Variants in CMSS1 observed in about 807,000 individuals in gnomAD.
CMSS1 encodes the protein cms1 ribosomal small subunit homolog.
In CMSS1, 33 loss-of-function variants were observed where a neutral mutation model predicts 43.5. The observed-to-expected ratio is 0.76, with a 90% CI of 0.57 to 1.01. CMSS1 has a LOEUF of 1.01. Ranked by LOEUF, CMSS1 falls within the 50% of genes least tolerant of loss-of-function variation. The pLI is 0.00. For missense variants in CMSS1, 313 were observed against 326.4 expected, an observed-to-expected ratio of 0.96 and a Z score of 0.32; for synonymous variants, 115 against 117.2, an observed-to-expected ratio of 0.98 and a Z score of 0.12.
chr3:99,851,732 T>C (rs1943706945), intron 1 of CMSS1, among the ~76,000 whole-genome samples: 1 of 152,198 alleles, frequency 6.6e-6, no homozygotes, highest in South Asian at 2.1e-4. Flanking sequence ...AAGAAAAAAT[T>C]TAGTCACATT....
At chr3:99,889,492 T>C (rs1440578851) in intron 1 of CMSS1, among the ~76,000 whole-genome samples, 1 of 152,098 alleles carries the variant, frequency 6.6e-6, no homozygotes, top group Non-Finnish European at 1.5e-5. Flanking sequence ...AAATAACGTA[T>C]AGCTAGGAAT....
chr3:100,075,601 T>C (rs2107387222), intron 1 of CMSS1: 1 of 152,036 alleles, frequency 6.6e-6, no homozygotes, highest in East Asian at 1.9e-4. Flanking sequence ...TACCCACTGA[T>C]GGCAGACTCT....
chr3:99,988,527 A>AG (rs61144932), intron 1 of CMSS1, among the ~76,000 whole-genome samples: 54,954 of 129,146 alleles, frequency 0.43, 10,737 homozygotes, highest in East Asian at 0.63. Context: ...AAAAAAAAAA[A>AG]AAAGAAAGAA....
chr3:99,920,709 C>T (rs951891777), intron 1 of CMSS1, among the ~76,000 whole-genome samples: 3 of 152,296 alleles, frequency 2.0e-5, no homozygotes, highest in Admixed American at 2.0e-4. Context: ...ATTACGACAG[C>T]GACATCACTT....
intron 1 of CMSS1, among the ~76,000 whole-genome samples, chr3:99,933,592 T>C (rs1707561033): frequency 6.6e-6 from 1 of 152,232 alleles, no homozygotes. Context: ...TATTGTATTT[T>C]CTTGAACACC....
At chr3:99,938,105 G>T (rs1423220254) in intron 1 of CMSS1, among the ~76,000 whole-genome samples, 1 of 152,028 alleles carries the variant, frequency 6.6e-6, no homozygotes, top group East Asian at 1.9e-4. Context: ...ATGCACACTC[G>T]TGCTGGGTGG....
intron 1 of CMSS1, among the ~76,000 whole-genome samples, chr3:100,143,312 A>G (rs1374290936): frequency 1.3e-5 from 2 of 152,236 alleles, no homozygotes; most frequent in Admixed American, 6.5e-5. Context: ...CACTGTGTCA[A>G]ATAAGACTGG....
chr3:100,073,001 C>G (rs1448727297), intron 1 of CMSS1, among the ~76,000 whole-genome samples: 1 of 152,070 alleles, frequency 6.6e-6, no homozygotes, highest in South Asian at 2.1e-4. Context: ...TTTTTTACAT[C>G]CACTTCCTTA....
rs116751488 is a variant in CMSS1 at position 100,036,877 on chromosome 3, C to G, written c.65-110096C>G. On this transcript the variant is annotated intron_variant, in intron 1 of 9. Coordinates refer to ENST00000421999, the MANE Select transcript of CMSS1 (RefSeq NM_032359.4). ...TTGATATTACGCAGTGAGAAAGATA[C>G]GTTATTTCTGTGGTATTCCTGCCCC... Among the ~76,000 whole-genome samples the G allele has an allele frequency of 8.7e-3, 1,317 of 152,160 alleles. 9 individuals are homozygous for G. The highest frequency in any genetic ancestry group is 0.02 in the Middle Eastern group (6 of 294).
intron 1 of CMSS1, among the ~76,000 whole-genome samples, chr3:100,009,659 G>T (rs9832186): frequency 1.1e-4 from 16 of 152,076 alleles, no homozygotes; most frequent in South Asian, 2.1e-4. Flanking sequence ...AAGTGTTAAG[G>T]GGAAAGAAAG....
chr3:99,881,412 GA>G (rs1342466695), intron 1 of CMSS1, among the ~76,000 whole-genome samples: 1 of 152,092 alleles, frequency 6.6e-6, no homozygotes, highest in Non-Finnish European at 1.5e-5. Flanking sequence ...ACAGAAATTA[GA>G]GACGGAAAAG....
At chr3:99,934,692 C>T (rs1297184863) in intron 1 of CMSS1, among the ~76,000 whole-genome samples, 2 of 152,188 alleles carry the variant, frequency 1.3e-5, no homozygotes, top group African/African-American at 4.8e-5. Context: ...CAACAGAAGA[C>T]TGAATGGAGC....
chr3:99,870,808 A>G (rs1249493073), intron 1 of CMSS1, among the ~76,000 whole-genome samples: 1 of 152,216 alleles, frequency 6.6e-6, no homozygotes, highest in Non-Finnish European at 1.5e-5. Context: ...TGCTTGGGAA[A>G]AGGCAGTCTG....
rs1238056954 is a variant in CMSS1 at position 99,983,422 on chromosome 3, A to G, written c.65-163551A>G. ...TATATATATATATATATATATATGT[A>G]TGTATGTATGTATATATATGTATGT... is the stretch of plus-strand genomic sequence containing the variant. On this transcript the variant is annotated intron_variant, in intron 1 of 9. Coordinates refer to ENST00000421999, the MANE Select transcript of CMSS1 (RefSeq NM_032359.4). 2.9e-4 allele frequency among the ~76,000 whole-genome samples: 25 copies of G among 86,922 alleles called. 1 individual carries two copies. Among genetic ancestry groups the G allele is most frequent in the African/African-American group, 9.7e-4 (18 of 18,586 alleles). 57.0% of individuals were successfully genotyped at this position (86,922 alleles called of 152,430 possible).
intron 3 of CMSS1, among the ~76,000 whole-genome samples, chr3:100,162,056 G>A (rs1302318716): frequency 6.6e-6 from 1 of 152,154 alleles, no homozygotes; most frequent in Non-Finnish European, 1.5e-5. Context: ...CAAAAATTTA[G>A]TTATCTTGGA....
At chr3:100,001,130 CTTAGAT>C (rs778000484) in intron 1 of CMSS1, among the ~76,000 whole-genome samples, 1 of 152,116 alleles carries the variant, frequency 6.6e-6, no homozygotes, top group Non-Finnish European at 1.5e-5. Flanking sequence ...CCAAAATTGG[CTTAGAT>C]TTAAATAGGG....
At chr3:100,037,107 T>C (rs2065120817) in intron 1 of CMSS1, among the ~76,000 whole-genome samples, 1 of 151,654 alleles carries the variant, frequency 6.6e-6, no homozygotes, top group African/African-American at 2.4e-5. Context: ...CAGAACAGTA[T>C]TGGGACAATT....
At chr3:100,124,097 A>G (rs1258315502) in intron 1 of CMSS1, among the ~76,000 whole-genome samples, 1 of 152,242 alleles carries the variant, frequency 6.6e-6, no homozygotes, top group Non-Finnish European at 1.5e-5. Flanking sequence ...GCTGAAAAAC[A>G]TGACTCTCCG....
chr3:99,874,199 G>T (rs1281709288), intron 1 of CMSS1: 1 of 152,120 alleles, frequency 6.6e-6, no homozygotes, highest in African/African-American at 2.4e-5. Flanking sequence ...AAAAGACACT[G>T]GGAAACACAG....
Sources: allele counts gnomAD v4.1 joint callset (sites outside exome capture counted in the v4.1 genomes callset), GRCh38; gene constraint gnomAD v4.1.1; transcripts MANE v1.5; gene names NCBI Gene and HGNC (gene_info 2026-07-23, HGNC 2026-07-21).